Variants in OCA2 observed in about 807,000 individuals in gnomAD.
OCA2 encodes OCA2 melanosomal transmembrane protein, also known as P protein.
OCA2 carries 77 observed loss-of-function variants against 100.2 expected under a neutral mutation model. The ratio of observed to expected loss-of-function variants is 0.77; its 90% confidence interval spans 0.64 to 0.93. The LOEUF (loss-of-function observed/expected upper bound fraction) is 0.93. OCA2 is among the 40% of genes least tolerant of loss of function. The pLI, the probability that OCA2 is intolerant of heterozygous loss-of-function variation, is 0.00. For synonymous variants in OCA2, 432 were observed against 439.2 expected, an observed-to-expected ratio of 0.98 and a Z score of 0.21; for missense variants, 1,062 against 1,089.1, an observed-to-expected ratio of 0.98 and a Z score of 0.35.
intron 2 of OCA2, among the ~76,000 whole-genome samples, chr15:28,073,111 G>A (rs868540381): frequency 6.6e-6 from 1 of 152,130 alleles, no homozygotes; most frequent in Non-Finnish European, 1.5e-5. Context: ...ATACTATGCA[G>A]CCATAAAAAA....
chr15:27,766,997 C>G (rs1379989748), intron 23 of OCA2, among the ~76,000 whole-genome samples: 6 of 152,218 alleles, frequency 3.9e-5, no homozygotes, highest in Non-Finnish European at 8.8e-5. Context: ...CCCTTCTTCG[C>G]CCCTATCCAG....
At chr15:27,971,776 G>T (rs1364729700) in intron 14 of OCA2, among the ~76,000 whole-genome samples, 1 of 152,130 alleles carries the variant, frequency 6.6e-6, no homozygotes, top group African/African-American at 2.4e-5. Context: ...CTCTAGTGCT[G>T]ATTTGTTTAT....
At chr15:27,888,925 T>C (rs1410665742) in intron 19 of OCA2, among the ~76,000 whole-genome samples, 2 of 152,150 alleles carry the variant, frequency 1.3e-5, no homozygotes, top group African/African-American at 4.8e-5. Flanking sequence ...CCTGGTGCCT[T>C]CCCTCATGTG....
the OCA2 span, among the ~76,000 whole-genome samples, chr15:27,732,161 T>C: frequency 6.6e-6 from 1 of 152,234 alleles, no homozygotes; most frequent in Non-Finnish European, 1.5e-5. Context: ...CTCCAAAATT[T>C]ATACTTGAAA....
intron 2 of OCA2, among the ~76,000 whole-genome samples, chr15:28,039,623 C>T (rs868525333): frequency 8.5e-4 from 130 of 152,306 alleles, no homozygotes; most frequent in African/African-American, 3.1e-3. Context: ...GAAGCCCTAA[C>T]CCCTAGTACC....
chr15:27,866,252 A>G (rs1259567465), intron 21 of OCA2, among the ~76,000 whole-genome samples: 1 of 152,216 alleles, frequency 6.6e-6, no homozygotes, highest in Non-Finnish European at 1.5e-5. Flanking sequence ...AGCTGCCACC[A>G]GTGGCAAAGA....
chr15:28,089,342 T>G (rs758187139), intron 1 of OCA2, among the ~76,000 whole-genome samples: 4 of 152,202 alleles, frequency 2.6e-5, no homozygotes, highest in African/African-American at 7.2e-5. Flanking sequence ...AAGACAGGCA[T>G]AGGAAATCAC....
At chr15:28,098,550 GCTCCTCAAAGTGCA>G (rs934911649) in intron 1 of OCA2, among the ~76,000 whole-genome samples, 85 of 152,316 alleles carry the variant, frequency 5.6e-4, no homozygotes, top group African/African-American at 2.0e-3. Context: ...TCTAAGTAGT[GCTCCTCAAAGTGCA>G]CTGCACATTA....
At chr15:28,054,182 A>T (rs7179458) in intron 2 of OCA2, among the ~76,000 whole-genome samples, 14,017 of 152,186 alleles carry the variant, frequency 0.092, 826 homozygotes, top group African/African-American at 0.16. Flanking sequence ...ATATGTGTGT[A>T]TGGGTATGTG....
At chr15:28,023,112 G>T (rs1301123100) in intron 5 of OCA2, among the ~76,000 whole-genome samples, 1 of 151,954 alleles carries the variant, frequency 6.6e-6, no homozygotes, top group Non-Finnish European at 1.5e-5. Context: ...GACCAGGGGA[G>T]ACCTGGCCCA....
intron 23 of OCA2, among the ~76,000 whole-genome samples, chr15:27,793,021 G>A (rs1041662058): frequency 6.6e-6 from 1 of 152,130 alleles, no homozygotes; most frequent in Non-Finnish European, 1.5e-5. Context: ...AACAGCTCCC[G>A]GGCTGTTTAC....
chr15:27,979,705 T>TA (rs1282245109), intron 14 of OCA2, among the ~76,000 whole-genome samples: 1 of 150,574 alleles, frequency 6.6e-6, no homozygotes, highest in Non-Finnish European at 1.5e-5. Context: ...TAATATACTT[T>TA]TTTTTTTTTT....
chr15:28,024,270 T>A (rs568513164), intron 5 of OCA2, among the ~76,000 whole-genome samples: 105 of 152,244 alleles, frequency 6.9e-4, no homozygotes, highest in Non-Finnish European at 1.3e-3. Context: ...GTTCCCACAC[T>A]CTGTTCCCTA....
chr15:27,870,683 AGAAGGAAGGAAGGAAAGAAG>A (rs146020963), intron 21 of OCA2, among the ~76,000 whole-genome samples: 11,248 of 31,762 alleles, frequency 0.35, 1,041 homozygotes, highest in South Asian at 0.54. Context: ...AAGGAAGGAA[AGAAGGAAGGAAGGAAAGAAG>A]GAAGGAAGGA....
chr15:27,946,445 CTG>C (rs1260095212), intron 18 of OCA2, among the ~76,000 whole-genome samples: 1 of 152,238 alleles, frequency 6.6e-6, no homozygotes, highest in African/African-American at 2.4e-5. Context: ...TATGTTCAAA[CTG>C]TGTTCAAATA....
intron 17 of OCA2, among the ~76,000 whole-genome samples, chr15:27,954,008 T>C (rs1346154191): frequency 6.6e-6 from 1 of 152,052 alleles, no homozygotes; most frequent in Non-Finnish European, 1.5e-5. Context: ...GAACATACAA[T>C]GTTTGATTTT....
chr15:27,887,748 C>T (rs547319422), intron 19 of OCA2, among the ~76,000 whole-genome samples: 1 of 151,074 alleles, frequency 6.6e-6, no homozygotes, highest in East Asian at 2.0e-4. Flanking sequence ...CCCTCAAAAT[C>T]AGCATTTCCA....
intron 23 of OCA2, among the ~76,000 whole-genome samples, chr15:27,824,602 C>CTCTCTCTATA: frequency 1.3e-4 from 6 of 47,598 alleles, no homozygotes; most frequent in South Asian, 1.5e-3. Flanking sequence ...CTCTCTCTCT[C>CTCTCTCTATA]TATATATATA....
chr15:27,860,441 C>T (rs1018871825), intron 21 of OCA2, among the ~76,000 whole-genome samples: 3 of 152,198 alleles, frequency 2.0e-5, no homozygotes, highest in South Asian at 2.1e-4. Flanking sequence ...TTTCAACCCT[C>T]GTCCTCATCC....
Sources: gnomAD v4.1 joint callset for allele counts (sites outside exome capture counted in the v4.1 genomes callset) on GRCh38, gnomAD v4.1.1 for gene constraint, MANE v1.5 for transcripts, NCBI Gene and HGNC (gene_info 2026-07-23, HGNC 2026-07-21) for gene names.